The following ATL2 variants were observed in gnomAD, a reference collection of about 807,000 sequenced individuals.
ATL2 encodes the protein atlastin GTPase 2.
Under a neutral mutation model 73.9 loss-of-function variants are expected in ATL2, and 31 were observed. The ratio of observed to expected loss-of-function variants is 0.42; its 90% CI spans 0.32 to 0.57. The LOEUF (loss-of-function observed/expected upper bound fraction) is 0.57. Ranked by LOEUF, ATL2 falls within the 20% of genes least tolerant of loss-of-function variation. ATL2 has a pLI of 0.14. For missense variants in ATL2, 738 were observed against 702.6 expected (o/e 1.05, Z -0.57); for synonymous variants, 291 against 237.5 (o/e 1.23, Z -2.07).
chr2:38,296,029 GGTCA>G lies in ATL2; in HGVS notation c.1713_1716del (p.Asp572ArgfsTer8), dbSNP rs746466889. 6.4e-7 allele frequency: 1 copy of G among 1,551,576 alleles called. No homozygotes were observed. ...TTTAATCTGGCATGATGAGACACCT[GGTCA>G]GTCAGGCCTGCTTTGATAGAGTTTG... On this transcript the variant is annotated frameshift_variant, in exon 13 of 13. Coordinates refer to ENST00000378954, the MANE Select transcript of ATL2 (RefSeq NM_001135673.4). LOFTEE classifies it high-confidence loss of function.
chr2:38,334,899 T>TA (rs1330802585), intron 2 of ATL2, among the ~76,000 whole-genome samples: 3 of 112,704 alleles, frequency 2.7e-5, no homozygotes, highest in East Asian at 2.4e-4. Context: ...ATAATATATA[T>TA]TATTTATAAT....
chr2:38,314,703 G>A (rs1255256131), intron 5 of ATL2, 39 bp from the exon 6 acceptor site: 1 of 1,354,320 alleles, frequency 7.4e-7, no homozygotes. Flanking sequence ...CCTCTAAAGA[G>A]ATTGAAAGAA....
chr2:38,376,986 G>A (rs1336587095), intron 1 of ATL2, among the ~76,000 whole-genome samples, 157 bp downstream of exon 1: 1 of 151,326 alleles, frequency 6.6e-6, no homozygotes, highest in Non-Finnish European at 1.5e-5. Context: ...CGCGGGGCGC[G>A]GCTGAGGCTA....
At chr2:38,363,086 T>C (rs1264075677) in intron 1 of ATL2, among the ~76,000 whole-genome samples, 1 of 152,178 alleles carries the variant, frequency 6.6e-6, no homozygotes, top group African/African-American at 2.4e-5. Context: ...CAAAATCACT[T>C]TGTGGAGTAG....
At position 38,296,195 on chromosome 2, in the gene ATL2, A is replaced by G. The variant is rs567019142; in HGVS notation, c.1633-82T>C. 5.3e-5 allele frequency: 76 copies of G among 1,443,368 alleles called. No individual in the cohort carries two copies. In the African/African-American group the frequency reaches 9.9e-4, roughly 19 times the overall value. The allele number at this position is 1,443,368 out of a possible 1,614,324, so 89.4% of individuals were successfully genotyped here. A position where few individuals can be genotyped will look rare whatever the true frequency, so the allele number is the denominator to read the frequency against. On this transcript the variant is annotated intron_variant, in intron 12 of 12. Coordinates refer to ENST00000378954, the MANE Select transcript of ATL2 (RefSeq NM_001135673.4). ...ATATAAAAATAGATATAAAAATTCA[A>G]TTCAAAGCAATGATGAAAATAACCA...
chr2:38,313,088 G>C (rs1667846260), intron 7 of ATL2, 63 bp downstream of exon 7: 5 of 1,185,576 alleles, frequency 4.2e-6, no homozygotes, highest in Non-Finnish European at 6.2e-6. Flanking sequence ...CAGCAGTCCG[G>C]ACAGCCCACC....
At chr2:38,339,978 C>A (rs1330795640) in intron 2 of ATL2, among the ~76,000 whole-genome samples, 1 of 151,780 alleles carries the variant, frequency 6.6e-6, no homozygotes, top group Non-Finnish European at 1.5e-5. Context: ...GGCGTGAGCC[C>A]CAACACCCTG....
chr2:38,312,538 G>T (rs7562704), intron 7 of ATL2, among the ~76,000 whole-genome samples: 1 of 151,782 alleles, frequency 6.6e-6, no homozygotes, highest in South Asian at 2.1e-4. Flanking sequence ...GTGAAACCCC[G>T]TCTCTGCTAA....
intron 1 of ATL2, among the ~76,000 whole-genome samples, chr2:38,348,310 T>C (rs189232740): frequency 6.6e-6 from 1 of 151,654 alleles, no homozygotes; most frequent in Non-Finnish European, 1.5e-5. Flanking sequence ...CTACTAAAAA[T>C]ACAAAATTAG....
At chr2:38,331,628 A>T (rs913644586) in intron 2 of ATL2, among the ~76,000 whole-genome samples, 53 of 151,188 alleles carry the variant, frequency 3.5e-4, no homozygotes, top group African/African-American at 1.2e-3. Context: ...AAAAAAAAAA[A>T]AAATAGAACA....
At chr2:38,354,958 A>T (rs1343693033) in intron 1 of ATL2, among the ~76,000 whole-genome samples, 1 of 152,186 alleles carries the variant, frequency 6.6e-6, no homozygotes, top group Non-Finnish European at 1.5e-5. Flanking sequence ...CAATGAACCC[A>T]AAGTAAAAAA....
Position 38,295,977 on chromosome 2 carries a change from C to T in ATL2, c.*17G>A, listed in dbSNP as rs200305207. ...CATGAAAAAAAAAGAGAGTGGAGTC[C>T]GTGAGGAGATGAACTGTCAGTCTGT... On this transcript the variant is annotated 3_prime_UTR_variant, in exon 13 of 13. Transcript: ENST00000378954. 2 of 1,519,746 alleles carry T rather than the reference C, an allele frequency of 1.3e-6. No individual in the cohort carries two copies. Among genetic ancestry groups the T allele is most frequent in the Non-Finnish European group, 1.8e-6 (2 of 1,121,622 alleles). 94.1% of individuals were successfully genotyped at this position (1,519,746 alleles called of 1,614,324 possible).
At chr2:38,342,809 T>C (rs1669799130) in intron 2 of ATL2, among the ~76,000 whole-genome samples, 1 of 152,148 alleles carries the variant, frequency 6.6e-6, no homozygotes, top group Non-Finnish European at 1.5e-5. Flanking sequence ...CAATTATATG[T>C]TTCCATATGC....
chr2:38,366,958 T>G (rs189652948), intron 1 of ATL2, among the ~76,000 whole-genome samples: 61 of 152,254 alleles, frequency 4.0e-4, no homozygotes, highest in Admixed American at 2.4e-3. Flanking sequence ...ATGATAACTT[T>G]GTGCACTTAG....
chr2:38,318,646 A>G lies in ATL2; in HGVS notation c.499-7T>C. 3 of 1,572,990 alleles carry G rather than the reference A, an allele frequency of 1.9e-6. No homozygotes were observed. Among genetic ancestry groups the G allele is most frequent in the Non-Finnish European group, 2.6e-6 (3 of 1,164,552 alleles). On this transcript the variant is annotated splice_region_variant and splice_polypyrimidine_tract_variant and intron_variant, in intron 3 of 12. Transcript: ENST00000378954. The stretch of plus-strand genomic sequence containing the variant: ...CCATAAGCAGCACAGCAACCTAGGA[A>G]TTTGAGAGTTTAAAATATTTAGTAA...
At chr2:38,344,480 G>A (rs1669907006) in intron 1 of ATL2, among the ~76,000 whole-genome samples, 1 of 151,996 alleles carries the variant, frequency 6.6e-6, no homozygotes, top group Admixed American at 6.6e-5. Flanking sequence ...CATGGTAGCG[G>A]GCGCCTGTAG....
chr2:38,377,114 C>G, intron 1 of ATL2, 29 bp downstream of exon 1: 2 of 1,600,120 alleles, frequency 1.2e-6, no homozygotes, highest in Non-Finnish European at 1.7e-6. Context: ...CCATCAGGGC[C>G]CCGCGGCCTC....
At chr2:38,317,534 C>T (rs1040332316) in intron 4 of ATL2, among the ~76,000 whole-genome samples, 17 of 152,100 alleles carry the variant, frequency 1.1e-4, no homozygotes, top group African/African-American at 3.9e-4. Context: ...AATGAAGGTG[C>T]TAAAAATCCT....
At position 38,296,036 on chromosome 2, in the gene ATL2, C is replaced by G; in HGVS notation, c.1710G>C (p.Leu570=). 1 of 1,551,792 alleles carries G rather than the reference C, an allele frequency of 6.4e-7. No homozygotes were observed. Among genetic ancestry groups the G allele is most frequent in the Non-Finnish European group, 8.7e-7 (1 of 1,146,876 alleles). The change falls in exon 13 of 13, where the codon CTG becomes CTC. Residue 570 remains leucine, a synonymous_variant. Transcript: ENST00000378954. ...QSVTNSIKAG[L]TDQVSHHARL... ...TGGCATGATGAGACACCTGGTCAGT[C>G]AGGCCTGCTTTGATAGAGTTTGTTA... is the stretch of plus-strand genomic sequence containing the variant.
Sources: allele counts gnomAD v4.1 joint callset (sites outside exome capture counted in the v4.1 genomes callset), GRCh38; gene constraint gnomAD v4.1.1; transcripts MANE v1.5; gene names NCBI Gene and HGNC (gene_info 2026-07-23, HGNC 2026-07-21).